Variants in PRSS57 observed in about 807,000 individuals in gnomAD.
The protein encoded by PRSS57 is neutrophil serine protease 4.
In PRSS57, 19 loss-of-function variants were observed where a neutral mutation model predicts 20.6. The observed-to-expected ratio is 0.92, with a 90% CI of 0.64 to 1.35. The LOEUF (loss-of-function observed/expected upper bound fraction) is 1.35, where lower values mean the gene tolerates loss of function less well. Ranked by LOEUF, PRSS57 falls within the 40% of genes most tolerant of loss-of-function variation. The pLI is 0.00. For missense variants in PRSS57, 440 were observed against 403.7 expected, an observed-to-expected ratio of 1.09 and a Z score of -0.77; for synonymous variants, 203 against 176.6, an observed-to-expected ratio of 1.15 and a Z score of -1.19.
chr19:695,188 C>G (rs985110805), intron 1 of PRSS57, among the ~76,000 whole-genome samples, 164 bp downstream of exon 1: 5 of 152,144 alleles, frequency 3.3e-5, no homozygotes, highest in South Asian at 2.1e-4. Flanking sequence ...GCAGAGACCC[C>G]GGCCGGATTT....
intron 3 of PRSS57, among the ~76,000 whole-genome samples, chr19:689,032 C>A (rs532076166): frequency 2.0e-5 from 3 of 152,068 alleles, no homozygotes; most frequent in African/African-American, 7.2e-5. Context: ...AATCCCTGCC[C>A]GTTAGGTTCA....
intron 4 of PRSS57, among the ~76,000 whole-genome samples, chr19:686,498 G>A (rs1281070926): frequency 6.6e-6 from 1 of 152,120 alleles, no homozygotes; most frequent in East Asian, 1.9e-4. Context: ...CATCGGGAAA[G>A]TGGACAGTCT....
intron 1 of PRSS57, 73 bp downstream of exon 1, chr19:695,278 TG>T: frequency 1.4e-6 from 1 of 692,580 alleles, no homozygotes; most frequent in Non-Finnish European, 2.0e-6. Flanking sequence ...CTCCCGGGAC[TG>T]GGGGTTCCCG....
At chr19:695,103 G>C in intron 1 of PRSS57, 136 bp from the exon 2 acceptor site, 1 of 882,554 alleles carries the variant, frequency 1.1e-6, no homozygotes, top group Non-Finnish European at 1.6e-6. Context: ...CAGAGAGCTG[G>C]AGACAGAGCC....
At chr19:689,092 A>T (rs1305691714) in intron 3 of PRSS57, among the ~76,000 whole-genome samples, 1 of 151,686 alleles carries the variant, frequency 6.6e-6, no homozygotes, top group African/African-American at 2.4e-5. Flanking sequence ...GCAGGTGACA[A>T]GCAGGTGACG....
intron 2 of PRSS57, among the ~76,000 whole-genome samples, chr19:692,588 T>C (rs2031679167): frequency 6.6e-6 from 1 of 151,838 alleles, no homozygotes; most frequent in Non-Finnish European, 1.5e-5. Context: ...AGCTAATTTT[T>C]GTATTTTCAG....
rs1181329623 is a variant in PRSS57 at position 685,556 on chromosome 19, A to G, written c.*160T>C. ...CGGGTGAGGCTGGAAGTCAGTTAAC[A>G]TTTTACTGGGTTTGCTTCTGCCCTT... On this transcript the variant is annotated 3_prime_UTR_variant, in exon 5 of 5. Transcript: ENST00000329267. 4.3e-6 allele frequency: 3 copies of G among 697,662 alleles called. No individual in the cohort carries two copies. Among genetic ancestry groups the G allele is most frequent in the African/African-American group, 3.6e-5 (2 of 55,794 alleles). The allele number at this position is 697,662 out of a possible 1,614,324, so 43.2% of individuals were successfully genotyped here.
At chr19:689,034 T>C (rs2031555441) in intron 3 of PRSS57, among the ~76,000 whole-genome samples, 4 of 151,992 alleles carry the variant, frequency 2.6e-5, no homozygotes, top group African/African-American at 9.7e-5. Flanking sequence ...TCCCTGCCCG[T>C]TAGGTTCAGA....
At position 685,753 on chromosome 19, in the gene PRSS57, A is replaced by AG; in HGVS notation, c.811dup (p.Leu271ProfsTer22). On this transcript the variant is annotated frameshift_variant, in exon 5 of 5. Coordinates refer to ENST00000329267, the MANE Select transcript of PRSS57 (RefSeq NM_001308209.2). LOFTEE classifies it low-confidence loss of function (END_TRUNC). The stretch of plus-strand genomic sequence containing the variant: ...TCCTGGGGGCCTGGTGGTCCCAGGC[A>AG]GGGGGCCGGGCTGGGGACTGCTCCG... 2 of 1,559,666 alleles carry AG rather than the reference A, an allele frequency of 1.3e-6. No homozygotes were observed. Among genetic ancestry groups the AG allele is most frequent in the East Asian group, 2.4e-5 (1 of 41,990 alleles).
At chr19:687,963 G>C (rs2031525317) in intron 3 of PRSS57, among the ~76,000 whole-genome samples, 2 of 152,212 alleles carry the variant, frequency 1.3e-5, no homozygotes, top group Admixed American at 1.3e-4. Context: ...CTTCCAGGAA[G>C]TCTTCCCAGA....
At chr19:693,002 T>C (rs1380304378) in intron 2 of PRSS57, among the ~76,000 whole-genome samples, 1 of 150,606 alleles carries the variant, frequency 6.6e-6, no homozygotes, top group African/African-American at 2.4e-5. Context: ...ATCTTGGCTC[T>C]CTGCAAGCTC....
At chr19:690,774 T>C in intron 3 of PRSS57, 1 of 349,338 alleles carries the variant, frequency 2.9e-6, no homozygotes, top group Non-Finnish European at 5.5e-6. Flanking sequence ...GGGGCCGTCA[T>C]CCTGGCCAAG....
At chr19:688,801 G>A (rs1237116776) in intron 3 of PRSS57, among the ~76,000 whole-genome samples, 14 of 151,956 alleles carry the variant, frequency 9.2e-5, no homozygotes, top group Non-Finnish European at 1.8e-4. Flanking sequence ...GTTTCACCAC[G>A]TTGGCCAGTC....
intron 2 of PRSS57, among the ~76,000 whole-genome samples, chr19:693,145 A>T (rs974455983): frequency 3.5e-4 from 52 of 150,612 alleles, no homozygotes; most frequent in African/African-American, 1.3e-3. Context: ...GTTAGCCAGG[A>T]CAGTCTCGAT....
At chr19:694,692 G>T in intron 2 of PRSS57, 122 bp downstream of exon 2, 1 of 1,139,166 alleles carries the variant, frequency 8.8e-7, no homozygotes, top group Non-Finnish European at 1.2e-6. Flanking sequence ...TTTAAATCCA[G>T]CCCCTGCTGA....
Position 685,587 on chromosome 19 carries a change from G to T in PRSS57, c.*129C>A. 1 of 858,900 alleles carries T rather than the reference G, an allele frequency of 1.2e-6. No individual in the cohort carries two copies. The highest frequency in any genetic ancestry group is 1.7e-6 in the Non-Finnish European group (1 of 574,212). 53.2% of individuals were successfully genotyped at this position (858,900 alleles called of 1,614,324 possible). ...CTGGGTTTGCTTCTGCCCTTTGCAT[G>T]TGGAATGGGTGTGCCCCACCGCTGC... On this transcript the variant is annotated 3_prime_UTR_variant, in exon 5 of 5. Coordinates refer to ENST00000329267, the MANE Select transcript of PRSS57 (RefSeq NM_001308209.2).
intron 3 of PRSS57, among the ~76,000 whole-genome samples, chr19:687,466 C>T (rs183439563): frequency 0.023 from 3,553 of 152,230 alleles, 63 homozygotes; most frequent in South Asian, 0.048. Flanking sequence ...AGTGCAGTGG[C>T]ACAATCTTGG....
chr19:687,003 G>A lies in PRSS57; in HGVS notation c.564C>T (p.Asn188=), dbSNP rs765082075. 6.2e-7 allele frequency: 1 copy of A among 1,614,108 alleles called. No individual in the cohort carries two copies. The highest frequency in any genetic ancestry group is 8.5e-7 in the Non-Finnish European group (1 of 1,180,032). Residue 188 remains asparagine (N), a synonymous_variant, in exon 4 of 5, where the codon AAC becomes AAT. Coordinates refer to ENST00000329267, the MANE Select transcript of PRSS57 (RefSeq NM_001308209.2). ...KVRVLDPDVC[N]SSWKGHLTLT... ...GTGTCAGGTGGCCCTTCCAGGAGCT[G>A]TTGCAGACGTCCGGGTCCAGCACTC...
chr19:688,602 C>CTTTTTTTTTTTTTTTTT lies in PRSS57; in HGVS notation c.379-1415_379-1414insAAAAAAAAAAAAAAAAA, dbSNP rs11451021. 4.1e-4 allele frequency among the ~76,000 whole-genome samples: 45 copies of CTTTTTTTTTTTTTTTTT among 110,190 alleles called. 2 individuals carry two copies. The highest frequency in any genetic ancestry group is 5.2e-3 in the Middle Eastern group (1 of 194). The allele number at this position is 110,190 out of a possible 152,430, so 72.3% of individuals were successfully genotyped here. A position where few individuals can be genotyped will look rare whatever the true frequency, so the allele number is the denominator to read the frequency against. ...CCACCCGGAGGACTCCACCCAGGGA[C>CTTTTTTTTTTTTTTTTT]TTTTTTTTTTTTTTCAGATGGAGTC... On this transcript the variant is annotated intron_variant, in intron 3 of 4. Transcript: ENST00000329267.
Sources: allele counts gnomAD v4.1 joint callset (sites outside exome capture counted in the v4.1 genomes callset), GRCh38; gene constraint gnomAD v4.1.1; transcripts MANE v1.5; gene names NCBI Gene and HGNC (gene_info 2026-07-23, HGNC 2026-07-21).